TXNDC9: variants seen among roughly 807,000 people sequenced by gnomAD.
TXNDC9 encodes thioredoxin domain containing 9.
Under a neutral mutation model 23.0 loss-of-function variants are expected in TXNDC9, and 7 were observed. The ratio of observed to expected loss-of-function variants is 0.30; its 90% CI spans 0.17 to 0.57. TXNDC9 has a LOEUF of 0.57. TXNDC9 is among the 20% of genes least tolerant of loss of function. The pLI, the probability that TXNDC9 is intolerant of heterozygous loss-of-function variation, is 0.90. For synonymous variants in TXNDC9, 72 were observed against 90.6 expected (o/e 0.79, Z 1.17); for missense variants, 198 against 252.6 (o/e 0.78, Z 1.47).
the TXNDC9 span, among the ~76,000 whole-genome samples, chr2:99,309,303 G>T: frequency 9.1e-4 from 138 of 151,910 alleles, no homozygotes; most frequent in Non-Finnish European, 1.6e-3. Context: ...AGCTCAGGCA[G>T]GTCGAGGGTG....
the TXNDC9 span, among the ~76,000 whole-genome samples, chr2:99,308,738 G>A: frequency 1.3e-5 from 2 of 151,728 alleles, no homozygotes; most frequent in Non-Finnish European, 2.9e-5. Context: ...TTGAGATGGA[G>A]TTTTGCTCTG....
At position 99,319,644 on chromosome 2, in the gene TXNDC9, C is replaced by G; in HGVS notation, c.*38G>C. ...TTTAAAAACACATTTAAATCTGAAG[C>G]AGAAAAAAAAAGACAATTTACAAAG... On this transcript the variant is annotated 3_prime_UTR_variant, in exon 5 of 5. Transcript: ENST00000264255. The G allele has an allele frequency of 7.0e-7, 1 of 1,424,492 alleles. No homozygotes were observed. Among genetic ancestry groups the G allele is most frequent in the African/African-American group, 1.4e-5 (1 of 69,000 alleles). 88.2% of individuals were successfully genotyped at this position (1,424,492 alleles called of 1,614,324 possible). A position where few individuals can be genotyped will look rare whatever the true frequency, so the allele number is the denominator to read the frequency against.
chr2:99,315,573 C>A (rs143971462), downstream of TXNDC9, among the ~76,000 whole-genome samples: 25 of 152,320 alleles, frequency 1.6e-4, no homozygotes, highest in Non-Finnish European at 3.1e-4. Context: ...GTCACATCAA[C>A]AAGGCTTTGT....
chr2:99,319,918 G>T, intron 4 of TXNDC9, 119 bp from the exon 5 acceptor site: 1 of 654,482 alleles, frequency 1.5e-6, no homozygotes, highest in Non-Finnish European at 2.6e-6. Flanking sequence ...TAAAATGCTG[G>T]TGTCAGGGAA....
downstream of TXNDC9, among the ~76,000 whole-genome samples, chr2:99,315,412 T>C (rs529912701): frequency 1.3e-5 from 2 of 152,278 alleles, no homozygotes; most frequent in East Asian, 3.9e-4. Flanking sequence ...TTTATTGGGT[T>C]GAAAGAATTC....
rs2094215557 is a variant in TXNDC9, at chr2:99,327,614, G to T, written c.229C>A (p.Pro77Thr). The T allele has an allele frequency of 6.2e-7, 1 of 1,613,250 alleles. No individual in the cohort carries two copies. Among genetic ancestry groups the T allele is most frequent in the African/African-American group, 1.3e-5 (1 of 74,750 alleles). The change falls in exon 3 of 5, where the codon CCT becomes ACT. Residue 77 changes from proline to threonine, a missense_variant. Transcript: ENST00000264255. ...SKGHGEYREIPSERDFFQEVK... is the reference protein window; with the variant it reads ...SKGHGEYREITSERDFFQEVK... ...TCTTGAAAAAAGTCTCTTTCACTAG[G>T]GATTTCTCTGTATTCCCCATGTCCT...
chr2:99,333,333 A>C (rs1220032528), intron 1 of TXNDC9, 91 bp from the exon 2 acceptor site: 9 of 1,031,276 alleles, frequency 8.7e-6, no homozygotes, highest in Non-Finnish European at 1.1e-5. Flanking sequence ...GCAAGTGTAT[A>C]ATGTGTACTC....
At position 99,319,196 on chromosome 2, in the gene TXNDC9, T is replaced by C. The variant is rs951581830; in HGVS notation, c.*486A>G. ...ATAGCTTTCTGCTGGCATCAGTTGA[T>C]TCAACATCAACATGCAGTGTCCAGA... is the stretch of plus-strand genomic sequence containing the variant. On this transcript the variant is annotated 3_prime_UTR_variant, in exon 5 of 5. Transcript: ENST00000264255. 1 of 152,382 alleles carries C rather than the reference T, an allele frequency of 6.6e-6. No individual in the cohort carries two copies. The highest frequency in any genetic ancestry group is 2.4e-5 in the African/African-American group (1 of 41,470). 9.4% of individuals were successfully genotyped at this position (152,382 alleles called of 1,614,324 possible).
the TXNDC9 span, among the ~76,000 whole-genome samples, chr2:99,309,888 G>A: frequency 6.6e-6 from 1 of 151,778 alleles, no homozygotes; most frequent in Non-Finnish European, 1.5e-5. Context: ...GTTTCACCAT[G>A]TTGGTCAAGC....
chr2:99,306,229 C>T, the TXNDC9 span, among the ~76,000 whole-genome samples: 1 of 120,092 alleles, frequency 8.3e-6, no homozygotes, highest in Non-Finnish European at 1.8e-5. Context: ...AAAGGAGAGA[C>T]CAGAGAATTG....
Position 99,319,605 on chromosome 2 carries a change from G to A in TXNDC9, c.*77C>T. ...TGAGTATTTAGGTGACCAATGTATAGACATTAATAGAATTTTAAAAACACA... is the reference window on the plus strand; with the variant it reads ...TGAGTATTTAGGTGACCAATGTATAAACATTAATAGAATTTTAAAAACACA... On this transcript the variant is annotated 3_prime_UTR_variant, in exon 5 of 5. Coordinates refer to ENST00000264255, the MANE Select transcript of TXNDC9 (RefSeq NM_005783.4). 1.9e-6 allele frequency: 2 copies of A among 1,073,062 alleles called. No individual in the cohort carries two copies. The highest frequency in any genetic ancestry group is 2.8e-6 in the Non-Finnish European group (2 of 715,800). The allele number at this position is 1,073,062 out of a possible 1,614,324, so 66.5% of individuals were successfully genotyped here.
intron 3 of TXNDC9, 69 bp from the exon 4 acceptor site, chr2:99,322,278 T>C: frequency 6.5e-7 from 1 of 1,532,538 alleles, no homozygotes; most frequent in Non-Finnish European, 8.8e-7. Flanking sequence ...ATAAATATCA[T>C]CAAGGGAAAT....
downstream of TXNDC9, among the ~76,000 whole-genome samples, chr2:99,318,455 T>C (rs900372076): frequency 1.6e-4 from 24 of 152,324 alleles, no homozygotes; most frequent in African/African-American, 5.8e-4. Flanking sequence ...ATTATAGGCG[T>C]GAGGCACCGT....
At chr2:99,320,726 A>T (rs1186982846) in intron 4 of TXNDC9, among the ~76,000 whole-genome samples, 1 of 152,222 alleles carries the variant, frequency 6.6e-6, no homozygotes, top group East Asian at 1.9e-4. Context: ...GAAAATATAT[A>T]TGGAAGTCTT....
At chr2:99,309,404 A>G in the TXNDC9 span, among the ~76,000 whole-genome samples, 1 of 152,142 alleles carries the variant, frequency 6.6e-6, no homozygotes, top group South Asian at 2.1e-4. Context: ...TTAAAAATTA[A>G]AGAGTAATCT....
chr2:99,315,855 A>G (rs778204865), downstream of TXNDC9, among the ~76,000 whole-genome samples: 8 of 152,214 alleles, frequency 5.3e-5, no homozygotes, highest in Non-Finnish European at 1.2e-4. Context: ...TGCCTGTCTT[A>G]TAATTGTAGT....
At chr2:99,329,696 A>G (rs1574908957) in intron 2 of TXNDC9, among the ~76,000 whole-genome samples, 1 of 152,216 alleles carries the variant, frequency 6.6e-6, no homozygotes, top group South Asian at 2.1e-4. Flanking sequence ...GGCTGGACGC[A>G]GTGGCTCACA....
At chr2:99,315,335 A>G (rs369639179), downstream of TXNDC9, among the ~76,000 whole-genome samples, 32 of 152,042 alleles carry the variant, frequency 2.1e-4, 2 homozygotes, top group East Asian at 1.2e-3. Context: ...AAAGTGCTGG[A>G]ATTACAGGCA....
chr2:99,307,861 T>G, the TXNDC9 span, among the ~76,000 whole-genome samples: 1 of 150,960 alleles, frequency 6.6e-6, no homozygotes, highest in African/African-American at 2.4e-5. Context: ...GTTTGTATTT[T>G]GCCAGACGGT....
Sources: allele counts gnomAD v4.1 joint callset (sites outside exome capture counted in the v4.1 genomes callset), GRCh38; gene constraint gnomAD v4.1.1; transcripts MANE v1.5; gene names NCBI Gene and HGNC (gene_info 2026-07-23, HGNC 2026-07-21).